The following ABHD2 variants were observed in gnomAD, a reference collection of about 807,000 sequenced individuals.
The protein encoded by ABHD2 is monoacylglycerol lipase ABHD2.
Under a neutral mutation model 48.1 loss-of-function variants are expected in ABHD2, and 20 were observed. The ratio of observed to expected loss-of-function variants is 0.42; its 90% CI spans 0.29 to 0.60. The LOEUF (loss-of-function observed/expected upper bound fraction) is 0.60. Ranked by LOEUF, ABHD2 falls within the 20% of genes least tolerant of loss-of-function variation. The probability of loss-of-function intolerance (pLI) is 0.24; values close to 1 mark genes in which losing one functional copy is unlikely to be tolerated. For missense variants in ABHD2, 405 were observed against 550.9 expected (o/e 0.74, Z 2.65); for synonymous variants, 209 against 214.2 (o/e 0.98, Z 0.21).
rs575827113 is a variant in ABHD2, at chr15:89,200,951, G to A, written c.*5528G>A. 2.3e-4 allele frequency: 110 copies of A among 470,352 alleles called. No individual in the cohort carries two copies. Among genetic ancestry groups the A allele is most frequent in the Non-Finnish European group, 3.7e-4 (97 of 265,026 alleles). The allele number at this position is 470,352 out of a possible 1,614,324, so 29.1% of individuals were successfully genotyped here. ...GCAAAAATTAGCTGGGTGTGGTGGC[G>A]GGCGCCTGTAATCCCAGCTACTCGG... is the stretch of plus-strand genomic sequence containing the variant. On this transcript the variant is annotated 3_prime_UTR_variant, in exon 11 of 11. Transcript: ENST00000352732.
At chr15:89,073,504 C>T in the ABHD2 span, among the ~76,000 whole-genome samples, 1 of 151,684 alleles carries the variant, frequency 6.6e-6, no homozygotes, top group Non-Finnish European at 1.5e-5. Flanking sequence ...ACAATGTTGG[C>T]CAGGCTGGTC....
Position 89,104,337 on chromosome 15 carries a change from A to G in ABHD2, c.-106-9388A>G. On this transcript the variant is annotated intron_variant, in intron 1 of 10. Transcript: ENST00000352732. The surrounding 1 kb of genome is among the most constrained non-coding windows in gnomAD (Gnocchi z 4.4). Reference sequence around the variant, plus strand: ...AGCAAGTCTCTCCTTTGGCAAAATCATCTGGGCTTGTTCTCATCCCTGCTG... The same window carrying G: ...AGCAAGTCTCTCCTTTGGCAAAATCGTCTGGGCTTGTTCTCATCCCTGCTG... 6.6e-6 allele frequency: 1 copy of G among 152,240 alleles called. No homozygotes were observed. 9.4% of individuals were successfully genotyped at this position (152,240 alleles called of 1,614,324 possible).
chr15:89,178,152 G>A (rs1306668047), intron 6 of ABHD2, among the ~76,000 whole-genome samples: 1 of 152,178 alleles, frequency 6.6e-6, no homozygotes, highest in Non-Finnish European at 1.5e-5. Flanking sequence ...TTATTGTCTG[G>A]AGCACAGAGA....
intron 1 of ABHD2, among the ~76,000 whole-genome samples, chr15:89,089,911 G>C (rs1443107730): frequency 6.6e-6 from 1 of 152,158 alleles, no homozygotes; most frequent in Non-Finnish European, 1.5e-5. Context: ...TTTTAGAGCT[G>C]AAGGCACCTT....
the ABHD2 span, among the ~76,000 whole-genome samples, chr15:89,066,976 C>T: frequency 5.9e-5 from 9 of 152,166 alleles, no homozygotes; most frequent in Non-Finnish European, 7.4e-5. Flanking sequence ...AATAAACAAG[C>T]GGCAGAAAGT....
In ABHD2 at chr15:89,185,945, T is replaced by G. The variant is rs1290533932; in HGVS notation, c.815+429T>G. Among the ~76,000 whole-genome samples the G allele has an allele frequency of 6.6e-6, 1 of 152,186 alleles. No homozygotes were observed. The highest frequency in any genetic ancestry group is 1.5e-5 in the Non-Finnish European group (1 of 68,036). ...TTGCGCCAATGCACCCCAGCCTGGGTGACAGAGCGAGACCCTGTCTGAAAA... is the reference window on the plus strand; with the variant it reads ...TTGCGCCAATGCACCCCAGCCTGGGGGACAGAGCGAGACCCTGTCTGAAAA... On this transcript the variant is annotated intron_variant, in intron 7 of 10. Coordinates refer to ENST00000352732, the MANE Select transcript of ABHD2 (RefSeq NM_152924.5). This position sits in a 1 kb window ranked among gnomAD's most constrained non-coding sequence, Gnocchi z 5.9.
At chr15:89,051,635 G>C in the ABHD2 span, among the ~76,000 whole-genome samples, 7 of 152,154 alleles carry the variant, frequency 4.6e-5, no homozygotes, top group Non-Finnish European at 8.8e-5. Context: ...GGTCTTTCCC[G>C]TGTTGTTCTC....
chr15:89,193,411 C>A, intron 10 of ABHD2, 92 bp downstream of exon 10: 1 of 1,007,756 alleles, frequency 9.9e-7, no homozygotes, highest in Non-Finnish European at 1.6e-6. Flanking sequence ...TCCTGGAGAC[C>A]ACCCTCTTTA....
chr15:89,064,906 C>T, the ABHD2 span, among the ~76,000 whole-genome samples: 1 of 152,064 alleles, frequency 6.6e-6, no homozygotes, highest in Admixed American at 6.5e-5. Context: ...TTCTCAGAAC[C>T]TCAGAAGCAC....
intron 5 of ABHD2, among the ~76,000 whole-genome samples, chr15:89,157,345 G>A (rs2050690842): frequency 6.6e-6 from 1 of 152,140 alleles, no homozygotes; most frequent in South Asian, 2.1e-4. Context: ...CGTTGCCACT[G>A]GTAACATGCA....
rs1258578026 is a variant in ABHD2, at chr15:89,186,789, T to G, written c.815+1273T>G. On this transcript the variant is annotated intron_variant, in intron 7 of 10. Coordinates refer to ENST00000352732, the MANE Select transcript of ABHD2 (RefSeq NM_152924.5). This position sits in a 1 kb window ranked among gnomAD's most constrained non-coding sequence, Gnocchi z 4.3. ...CAATCTGACTAAATGATCAATTTCTTGTTCTCTTTTTTCCAGTGGCTAAAG... is the reference window on the plus strand; with the variant it reads ...CAATCTGACTAAATGATCAATTTCTGGTTCTCTTTTTTCCAGTGGCTAAAG... Among the ~76,000 whole-genome samples the G allele has an allele frequency of 2.6e-5, 4 of 152,186 alleles. No individual in the cohort carries two copies. Among genetic ancestry groups the G allele is most frequent in the Non-Finnish European group, 5.9e-5 (4 of 68,040 alleles).
the ABHD2 span, among the ~76,000 whole-genome samples, chr15:89,047,210 A>G: frequency 6.6e-6 from 1 of 152,208 alleles, no homozygotes; most frequent in Admixed American, 6.5e-5. Context: ...AGCGGTTTTA[A>G]GTGAGATTCT....
chr15:89,118,270 G>C (rs2049993742), intron 3 of ABHD2, among the ~76,000 whole-genome samples: 2 of 151,600 alleles, frequency 1.3e-5, no homozygotes, highest in South Asian at 4.2e-4. Context: ...TGTAACCTCT[G>C]CTTCCCAGGT....
intron 3 of ABHD2, among the ~76,000 whole-genome samples, chr15:89,139,020 A>AAGACATT (rs1372893121): frequency 0.03 from 4,589 of 152,030 alleles, 231 homozygotes; most frequent in African/African-American, 0.1. Context: ...GATCAAGACC[A>AAGACATT]GCCCTGGCGA....
At chr15:89,148,193 CAT>C (rs2150881044) in intron 3 of ABHD2, among the ~76,000 whole-genome samples, 2 of 142,988 alleles carry the variant, frequency 1.4e-5, no homozygotes, top group South Asian at 4.4e-4. Flanking sequence ...ACATTTGTAA[CAT>C]ATGATAGATA....
At chr15:89,145,074 TG>T (rs2050469045) in intron 3 of ABHD2, among the ~76,000 whole-genome samples, 1 of 152,120 alleles carries the variant, frequency 6.6e-6, no homozygotes, top group African/African-American at 2.4e-5. Flanking sequence ...CTGGCCAACA[TG>T]GTGAAACTCC....
chr15:89,130,863 C>A (rs1262489114), intron 3 of ABHD2, among the ~76,000 whole-genome samples: 3 of 151,930 alleles, frequency 2.0e-5, no homozygotes, highest in Admixed American at 6.5e-5. Flanking sequence ...ACATTAGACA[C>A]CCCTGGTTTA....
chr15:89,097,067 G>C lies in ABHD2; in HGVS notation c.-107+8504G>C, dbSNP rs904154879. On this transcript the variant is annotated intron_variant, in intron 1 of 10. Transcript: ENST00000352732. This position sits in a 1 kb window ranked among gnomAD's most constrained non-coding sequence, Gnocchi z 4.2. Reference sequence around the variant, plus strand: ...GAGCTTGGGCCTTTGTGACTAGCAGGACTGTTTGTCATATTGCTAAATAAT... The same window carrying C: ...GAGCTTGGGCCTTTGTGACTAGCAGCACTGTTTGTCATATTGCTAAATAAT... Among the ~76,000 whole-genome samples, 1 of 152,130 alleles carries C rather than the reference G, an allele frequency of 6.6e-6. No individual in the cohort carries two copies. The highest frequency in any genetic ancestry group is 1.5e-5 in the Non-Finnish European group (1 of 68,030).
chr15:89,115,367 G>GGT (rs1339829802), intron 2 of ABHD2, among the ~76,000 whole-genome samples: 4 of 117,486 alleles, frequency 3.4e-5, no homozygotes, highest in Admixed American at 2.7e-4. Flanking sequence ...TATGTTTGGA[G>GGT]GTATGTGTGT....
Sources: allele counts gnomAD v4.1 joint callset (sites outside exome capture counted in the v4.1 genomes callset), GRCh38; gene constraint gnomAD v4.1.1; non-coding constraint Gnocchi (gnomAD v3.1); transcripts MANE v1.5; gene names NCBI Gene and HGNC (gene_info 2026-07-23, HGNC 2026-07-21).